Variants in CSNK1G1 observed in about 807,000 individuals in gnomAD.
CSNK1G1 encodes casein kinase 1 gamma 1.
CSNK1G1 carries 22 observed loss-of-function variants against 59.6 expected under a neutral mutation model. That is an observed-to-expected ratio of 0.37 (90% CI 0.26 to 0.53). CSNK1G1 has a LOEUF of 0.53. Ranked by LOEUF, CSNK1G1 falls within the 20% of genes least tolerant of loss-of-function variation. The pLI is 0.89. For missense variants in CSNK1G1, 384 were observed against 519.5 expected, an observed-to-expected ratio of 0.74 and a Z score of 2.54; for synonymous variants, 179 against 177.1, an observed-to-expected ratio of 1.01 and a Z score of -0.08.
chr15:64,235,188 T>G (rs1194136411), intron 4 of CSNK1G1, among the ~76,000 whole-genome samples: 1 of 152,210 alleles, frequency 6.6e-6, no homozygotes, highest in African/African-American at 2.4e-5. Context: ...GCCTGTATAT[T>G]TCCTATCTTG....
rs990585051 is a variant in CSNK1G1, at chr15:64,210,161, C to T, written c.680-2567G>A. ...AATAAGGGTACCTAAATCAGCTCAA[C>T]GATTTAGGTATCTAGATCTTGGTTT... is the stretch of plus-strand genomic sequence containing the variant. On this transcript the variant is annotated intron_variant, in intron 6 of 11. Coordinates refer to ENST00000303052, the MANE Select transcript of CSNK1G1 (RefSeq NM_022048.5). The surrounding 1 kb of genome is among the most constrained non-coding windows in gnomAD (Gnocchi z 4.2). 1.3e-5 allele frequency among the ~76,000 whole-genome samples: 2 copies of T among 152,090 alleles called. No individual in the cohort carries two copies. The highest frequency in any genetic ancestry group is 6.5e-5 in the Admixed American group (1 of 15,274).
intron 4 of CSNK1G1, among the ~76,000 whole-genome samples, chr15:64,251,243 A>T (rs1209767405): frequency 2.6e-5 from 4 of 152,230 alleles, no homozygotes; most frequent in Non-Finnish European, 5.9e-5. Flanking sequence ...TGAAAAGCAA[A>T]TCCTTCACAC....
chr15:64,200,159 C>T lies in CSNK1G1; in HGVS notation c.1107+2923G>A, dbSNP rs1486745154. 2.0e-5 allele frequency among the ~76,000 whole-genome samples: 3 copies of T among 151,504 alleles called. No individual in the cohort carries two copies. Among genetic ancestry groups the T allele is most frequent in the African/African-American group, 7.3e-5 (3 of 41,216 alleles). On this transcript the variant is annotated intron_variant, in intron 10 of 11. Transcript: ENST00000303052. This position sits in a 1 kb window ranked among gnomAD's most constrained non-coding sequence, Gnocchi z 4.3. ...TCTCAGGAAGCTGAGGCAGAAGAAT[C>T]GCTTGAACTCAGGAGGCGGAGGTTG...
intron 10 of CSNK1G1, chr15:64,181,577 C>T: frequency 2.5e-6 from 2 of 804,528 alleles, no homozygotes; most frequent in East Asian, 5.9e-5. Flanking sequence ...TAGTATAATA[C>T]CTAGCATAAA....
At chr15:64,203,833 G>A (rs1464641568) in intron 9 of CSNK1G1, among the ~76,000 whole-genome samples, 1 of 151,684 alleles carries the variant, frequency 6.6e-6, no homozygotes, top group Non-Finnish European at 1.5e-5. Context: ...CATTAACAGC[G>A]TATGTGGCAT....
chr15:64,244,959 G>C (rs1023628875), intron 4 of CSNK1G1, among the ~76,000 whole-genome samples: 4 of 152,112 alleles, frequency 2.6e-5, no homozygotes, highest in African/African-American at 9.7e-5. Context: ...GGGAAGAGAG[G>C]AGAGAACCCA....
intron 2 of CSNK1G1, among the ~76,000 whole-genome samples, chr15:64,280,197 CCCTTTCTTTCTGAATAAGGGT>C (rs1894049389): frequency 6.6e-6 from 1 of 152,000 alleles, no homozygotes; most frequent in Non-Finnish European, 1.5e-5. Context: ...CTTGTTCAAG[CCCTTTCTTTCTGAATAAGGGT>C]AATAAGCTTA....
chr15:64,260,929 A>C (rs1263611905), intron 2 of CSNK1G1, among the ~76,000 whole-genome samples: 1 of 152,198 alleles, frequency 6.6e-6, no homozygotes, highest in African/African-American at 2.4e-5. Context: ...GTAAGATAAA[A>C]AGAAGACTAA....
At position 64,207,401 on chromosome 15, in the gene CSNK1G1, G is replaced by GC. The variant is rs2082196691; in HGVS notation, c.765+107dup. ...GCTGGGATTACAGGCATGAGCCACC[G>GC]CATCTGGCCAGCCCCCTACACATTT... On this transcript the variant is annotated intron_variant, in intron 7 of 11. Transcript: ENST00000303052. 10 of 743,686 alleles carry GC rather than the reference G, an allele frequency of 1.3e-5. No individual in the cohort carries two copies. In the South Asian group the frequency reaches 1.7e-4, roughly 12 times the overall value. 46.1% of individuals were successfully genotyped at this position (743,686 alleles called of 1,614,324 possible).
chr15:64,219,126 A>G (rs2082352221), intron 4 of CSNK1G1, among the ~76,000 whole-genome samples: 1 of 152,168 alleles, frequency 6.6e-6, no homozygotes, highest in African/African-American at 2.4e-5. Context: ...AAGTGCTGGG[A>G]TTACAGGCGT....
chr15:64,189,760 C>T (rs2081945164), intron 10 of CSNK1G1, among the ~76,000 whole-genome samples: 1 of 151,588 alleles, frequency 6.6e-6, no homozygotes, highest in Non-Finnish European at 1.5e-5. Context: ...ACCCGTAAGT[C>T]ACCAAAAAGG....
intron 4 of CSNK1G1, among the ~76,000 whole-genome samples, chr15:64,249,369 C>T (rs1891946330): frequency 6.6e-6 from 1 of 152,176 alleles, no homozygotes; most frequent in Non-Finnish European, 1.5e-5. Context: ...GAAAAGTCTG[C>T]AGCTACCTTG....
rs930164369 is a variant in CSNK1G1, at chr15:64,214,939, G to A, written c.445-815C>T. On this transcript the variant is annotated intron_variant, in intron 5 of 11. Coordinates refer to ENST00000303052, the MANE Select transcript of CSNK1G1 (RefSeq NM_022048.5). The surrounding 1 kb of genome is among the most constrained non-coding windows in gnomAD (Gnocchi z 4.3). ...CAGGCATGAGCCACCATGCCTGGCC[G>A]AAACAGTTCATCGTTGTTGTTTTAA... 8.6e-5 allele frequency among the ~76,000 whole-genome samples: 13 copies of A among 150,444 alleles called. No individual in the cohort carries two copies. In the East Asian group the frequency reaches 1.2e-3, roughly 14 times the overall value.
rs1391633592 is a variant in CSNK1G1, at chr15:64,188,581, G to C, written c.1108-8127C>G. The C allele has an allele frequency of 3.3e-6, 3 of 908,852 alleles. No homozygotes were observed. The highest frequency in any genetic ancestry group is 5.0e-6 in the Non-Finnish European group (3 of 600,314). 56.3% of individuals were successfully genotyped at this position (908,852 alleles called of 1,614,324 possible). A position where few individuals can be genotyped will look rare whatever the true frequency, so the allele number is the denominator to read the frequency against. On this transcript the variant is annotated intron_variant, in intron 10 of 11. Coordinates refer to ENST00000303052, the MANE Select transcript of CSNK1G1 (RefSeq NM_022048.5). This position sits in a 1 kb window ranked among gnomAD's most constrained non-coding sequence, Gnocchi z 4.2. Reference sequence around the variant, plus strand: ...AATCAAGTACATTCGTGTCCCTGTAGGTTTTTCTTTCGGTTTTGGATTTTA... The same window carrying C: ...AATCAAGTACATTCGTGTCCCTGTACGTTTTTCTTTCGGTTTTGGATTTTA...
At chr15:64,325,858 C>T (rs768897278) in intron 1 of CSNK1G1, among the ~76,000 whole-genome samples, 9 of 152,168 alleles carry the variant, frequency 5.9e-5, no homozygotes, top group Admixed American at 2.6e-4. Context: ...GAGACAGAGA[C>T]GGACAGAGAG....
At position 64,308,000 on chromosome 15, in the gene CSNK1G1, G is replaced by A. The variant is rs76224933; in HGVS notation, c.-224-7277C>T. Among the ~76,000 whole-genome samples the A allele has an allele frequency of 9.1e-4, 138 of 152,042 alleles. 1 individual carries two copies. The East Asian group carries it at 0.016, about 18-fold the overall frequency. On this transcript the variant is annotated intron_variant, in intron 1 of 11. Transcript: ENST00000303052. ...CGCGCCCTGCCTGTCAGCAACTTACGCTTATGTGGTCAGGGAAAAAAATGT... is the reference window on the plus strand; with the variant it reads ...CGCGCCCTGCCTGTCAGCAACTTACACTTATGTGGTCAGGGAAAAAAATGT...
At position 64,296,410 on chromosome 15, in the gene CSNK1G1, T is replaced by C. The variant is rs948001035; in HGVS notation, c.181+3909A>G. Among the ~76,000 whole-genome samples, 16 of 152,032 alleles carry C rather than the reference T, an allele frequency of 1.1e-4. No individual in the cohort carries two copies. The East Asian group carries it at 2.9e-3, about 28-fold the overall frequency. On this transcript the variant is annotated intron_variant, in intron 2 of 11. Transcript: ENST00000303052. Reference sequence around the variant, plus strand: ...TGCTGGGATTACAGGCATAAGCCACTACACCCAGCCCCCAATCTGCTATAT... The same window carrying C: ...TGCTGGGATTACAGGCATAAGCCACCACACCCAGCCCCCAATCTGCTATAT...
chr15:64,337,058 T>C lies in CSNK1G1; in HGVS notation c.-225+18930A>G, dbSNP rs542911507. 2.0e-5 allele frequency among the ~76,000 whole-genome samples: 3 copies of C among 151,984 alleles called. No individual in the cohort carries two copies. The South Asian group carries it at 6.2e-4, about 32-fold the overall frequency. ...GCCTGGCCAACATGGTGAAACCCCA[T>C]CTCTACTAAAAATACAAAAATTATC... is the stretch of plus-strand genomic sequence containing the variant. On this transcript the variant is annotated intron_variant, in intron 1 of 11. Transcript: ENST00000303052.
intron 1 of CSNK1G1, among the ~76,000 whole-genome samples, chr15:64,352,931 A>C (rs1345453294): frequency 6.6e-6 from 1 of 151,942 alleles, no homozygotes; most frequent in Non-Finnish European, 1.5e-5. Flanking sequence ...TCTACTAAAA[A>C]CACAAAAATT....
Sources: allele counts gnomAD v4.1 joint callset (sites outside exome capture counted in the v4.1 genomes callset), GRCh38; gene constraint gnomAD v4.1.1; non-coding constraint Gnocchi (gnomAD v3.1); transcripts MANE v1.5; gene names NCBI Gene and HGNC (gene_info 2026-07-23, HGNC 2026-07-21).